Variants in EPHA6 observed in about 807,000 individuals in gnomAD.
The protein encoded by EPHA6 is EPH receptor A6.
In EPHA6, 50 loss-of-function variants were observed where a neutral mutation model predicts 112.0. That is an observed-to-expected ratio of 0.45 (90% CI 0.36 to 0.56). The LOEUF is 0.56. Among genes scored for constraint, EPHA6 ranks in the 20% least tolerant of loss-of-function variants. EPHA6 has a pLI of 0.00. For synonymous variants in EPHA6, 529 were observed against 490.7 expected (o/e 1.08, Z -1.03); for missense variants, 1,280 against 1,417.4 (o/e 0.90, Z 1.56).
chr3:97,574,688 A>G (rs538178638), intron 11 of EPHA6, among the ~76,000 whole-genome samples: 3 of 152,306 alleles, frequency 2.0e-5, no homozygotes, highest in African/African-American at 7.2e-5. Flanking sequence ...TCATTTTTAA[A>G]GACCCTACTA....
At chr3:97,344,460 G>A (rs905534517) in intron 5 of EPHA6, among the ~76,000 whole-genome samples, 8 of 152,090 alleles carry the variant, frequency 5.3e-5, no homozygotes, top group African/African-American at 1.7e-4. Flanking sequence ...AGAGACACAC[G>A]AGAGCTTGCT....
At chr3:97,243,467 A>T (rs893284014) in intron 4 of EPHA6, among the ~76,000 whole-genome samples, 8 of 152,042 alleles carry the variant, frequency 5.3e-5, no homozygotes, top group African/African-American at 1.4e-4. Context: ...ACAGATTTTT[A>T]GTGATTTTCG....
chr3:97,186,022 T>C (rs1233132563), intron 3 of EPHA6, among the ~76,000 whole-genome samples: 1 of 124,110 alleles, frequency 8.1e-6, no homozygotes, highest in Non-Finnish European at 1.6e-5. Context: ...TGAGAACACA[T>C]GGACACAAGA....
intron 6 of EPHA6, among the ~76,000 whole-genome samples, chr3:97,428,972 T>G (rs1483416013): frequency 3.3e-5 from 5 of 152,182 alleles, no homozygotes; most frequent in African/African-American, 1.2e-4. Flanking sequence ...TGAAAGAGCT[T>G]TCTTGCCTCC....
chr3:97,564,404 T>A lies in EPHA6; in HGVS notation c.2387-28208T>A, dbSNP rs549452383. 3.9e-5 allele frequency among the ~76,000 whole-genome samples: 6 copies of A among 152,278 alleles called. No individual in the cohort carries two copies. In the South Asian group the frequency reaches 1.0e-3, roughly 26 times the overall value. ...TAATAGTCATAATAATTCTGTTATG[T>A]AAAACTTGTAAACAGAAAATATGTT... On this transcript the variant is annotated intron_variant, in intron 11 of 17. Coordinates refer to ENST00000389672, the MANE Select transcript of EPHA6 (RefSeq NM_001080448.3).
intron 5 of EPHA6, among the ~76,000 whole-genome samples, chr3:97,293,849 G>A (rs1035348129): frequency 3.3e-5 from 5 of 152,192 alleles, no homozygotes; most frequent in African/African-American, 4.8e-5. Flanking sequence ...ATGCCGAGGA[G>A]TGCCTGCAAG....
At chr3:96,859,484 C>T (rs761585492) in intron 1 of EPHA6, among the ~76,000 whole-genome samples, 3 of 151,170 alleles carry the variant, frequency 2.0e-5, no homozygotes, top group Non-Finnish European at 4.4e-5. Flanking sequence ...TGGGCTCAAG[C>T]GATACTCTCA....
chr3:97,056,373 G>A (rs2045853138), intron 3 of EPHA6, among the ~76,000 whole-genome samples: 1 of 152,018 alleles, frequency 6.6e-6, no homozygotes, highest in African/African-American at 2.4e-5. Context: ...GGAATTACAA[G>A]TCTCTTCTCC....
At chr3:97,088,797 A>G (rs1198591209) in intron 3 of EPHA6, among the ~76,000 whole-genome samples, 1 of 152,024 alleles carries the variant, frequency 6.6e-6, no homozygotes, top group Non-Finnish European at 1.5e-5. Flanking sequence ...ATTCCCTCAA[A>G]TGCTAATAAA....
chr3:97,458,250 A>G (rs897560376), intron 7 of EPHA6, among the ~76,000 whole-genome samples: 10 of 152,064 alleles, frequency 6.6e-5, no homozygotes, highest in African/African-American at 1.9e-4. Context: ...GTGTGAGCAC[A>G]TTACTGTACT....
chr3:96,952,114 G>C (rs963414339), intron 2 of EPHA6, among the ~76,000 whole-genome samples: 2 of 152,100 alleles, frequency 1.3e-5, no homozygotes, highest in Admixed American at 6.6e-5. Flanking sequence ...CATTGTACTA[G>C]GAAGAGACCA....
At chr3:97,254,452 T>C (rs1396546735) in intron 5 of EPHA6, among the ~76,000 whole-genome samples, 1 of 152,220 alleles carries the variant, frequency 6.6e-6, no homozygotes, top group African/African-American at 2.4e-5. Flanking sequence ...CCTCCCAAAG[T>C]GCTGGGATTA....
chr3:96,932,646 G>A (rs1271509319), intron 2 of EPHA6, among the ~76,000 whole-genome samples: 3 of 152,264 alleles, frequency 2.0e-5, no homozygotes, highest in Admixed American at 6.5e-5. Flanking sequence ...AAGCCAGACA[G>A]GAGAGACAGT....
intron 3 of EPHA6, among the ~76,000 whole-genome samples, chr3:97,025,334 A>T (rs2044600866): frequency 6.6e-6 from 1 of 152,154 alleles, no homozygotes; most frequent in African/African-American, 2.4e-5. Flanking sequence ...AATAGGATTA[A>T]TGAAAGAGTT....
chr3:97,684,864 A>G lies in EPHA6; in HGVS notation c.2785-35397A>G, dbSNP rs1298218233. Among the ~76,000 whole-genome samples, 3 of 152,156 alleles carry G rather than the reference A, an allele frequency of 2.0e-5. No homozygotes were observed. The East Asian group carries it at 5.8e-4, about 29-fold the overall frequency. Reference sequence around the variant, plus strand: ...ATTACAGATCCAGTCAAAACAGAAGATCTCTCCTGTGAAAAATATTTTTGA... The same window carrying G: ...ATTACAGATCCAGTCAAAACAGAAGGTCTCTCCTGTGAAAAATATTTTTGA... On this transcript the variant is annotated intron_variant, in intron 14 of 17. Coordinates refer to ENST00000389672, the MANE Select transcript of EPHA6 (RefSeq NM_001080448.3).
chr3:96,903,787 G>T (rs912860878), intron 2 of EPHA6, among the ~76,000 whole-genome samples: 17 of 152,214 alleles, frequency 1.1e-4, no homozygotes, highest in African/African-American at 3.9e-4. Flanking sequence ...CCATCAAAAA[G>T]TGGGCAAAGG....
chr3:96,886,002 G>T (rs2037598625), intron 2 of EPHA6, among the ~76,000 whole-genome samples: 1 of 152,170 alleles, frequency 6.6e-6, no homozygotes, highest in Non-Finnish European at 1.5e-5. Context: ...TCAGGAGCAG[G>T]TTATTTAATT....
intron 11 of EPHA6, among the ~76,000 whole-genome samples, chr3:97,583,022 A>T (rs1385155685): frequency 6.7e-6 from 1 of 150,066 alleles, no homozygotes; most frequent in Non-Finnish European, 1.5e-5. Context: ...AACTACAAAC[A>T]GGCAGATGCA....
intron 14 of EPHA6, among the ~76,000 whole-genome samples, chr3:97,688,493 C>A (rs1206697639): frequency 6.9e-6 from 1 of 145,624 alleles, no homozygotes; most frequent in Non-Finnish European, 1.5e-5. Context: ...CCAAACACCG[C>A]ATGTTCTCAC....
Sources: allele counts gnomAD v4.1 joint callset (sites outside exome capture counted in the v4.1 genomes callset), GRCh38; gene constraint gnomAD v4.1.1; transcripts MANE v1.5; gene names NCBI Gene and HGNC (gene_info 2026-07-23, HGNC 2026-07-21).